SCAPER: variants seen among roughly 807,000 people sequenced by gnomAD.
The protein encoded by SCAPER is S-phase cyclin A associated protein in the ER.
A neutral mutation model predicts 182.2 loss-of-function variants in SCAPER; 98 were observed. The observed-to-expected ratio is 0.54, with a 90% CI of 0.46 to 0.64. The LOEUF (loss-of-function observed/expected upper bound fraction) is 0.64. SCAPER is among the 30% of genes least tolerant of loss of function. The probability of loss-of-function intolerance (pLI) is 0.00; values close to 1 mark genes in which losing one functional copy is unlikely to be tolerated. For synonymous variants in SCAPER, 605 were observed against 564.6 expected, an observed-to-expected ratio of 1.07 and a Z score of -1.01; for missense variants, 1,432 against 1,690.0, an observed-to-expected ratio of 0.85 and a Z score of 2.68.
intron 17 of SCAPER, among the ~76,000 whole-genome samples, chr15:76,709,256 C>G (rs566797955): frequency 1.1e-4 from 16 of 152,198 alleles, no homozygotes; most frequent in African/African-American, 3.9e-4. Context: ...CTCAGCCTCC[C>G]AAGTAGCTGG....
intron 10 of SCAPER, among the ~76,000 whole-genome samples, chr15:76,769,967 A>G (rs1303494438): frequency 3.3e-5 from 5 of 152,210 alleles, no homozygotes; most frequent in African/African-American, 4.8e-5. Flanking sequence ...ATGTCCATCA[A>G]TGATAGACTG....
intron 24 of SCAPER, among the ~76,000 whole-genome samples, chr15:76,496,206 T>G (rs2040520837): frequency 6.8e-6 from 1 of 146,678 alleles, no homozygotes; most frequent in African/African-American, 2.4e-5. Flanking sequence ...TGGTGAAATG[T>G]TTAAGTTTCT....
chr15:76,661,658 G>A (rs547652955), intron 21 of SCAPER, among the ~76,000 whole-genome samples: 9 of 152,116 alleles, frequency 5.9e-5, no homozygotes, highest in East Asian at 1.9e-4. Context: ...TCAGAATAGC[G>A]ATTACTAATA....
intron 24 of SCAPER, among the ~76,000 whole-genome samples, chr15:76,486,483 C>G (rs1475703878): frequency 6.6e-6 from 1 of 151,176 alleles, no homozygotes; most frequent in Non-Finnish European, 1.5e-5. Context: ...GTCTAACATC[C>G]ATCTATAAGG....
chr15:76,901,647 T>C (rs561928382), intron 1 of SCAPER, among the ~76,000 whole-genome samples: 1 of 152,390 alleles, frequency 6.6e-6, no homozygotes, highest in Admixed American at 6.5e-5. Context: ...GAAGTTATCA[T>C]TTTAGCAAAA....
intron 29 of SCAPER, among the ~76,000 whole-genome samples, chr15:76,367,881 C>A (rs949800038): frequency 1.6e-4 from 25 of 152,056 alleles, no homozygotes; most frequent in Non-Finnish European, 3.1e-4. Flanking sequence ...AGGTATAAAT[C>A]ATTTTTAATT....
At chr15:76,514,145 T>C (rs2042250020) in intron 23 of SCAPER, among the ~76,000 whole-genome samples, 1 of 152,206 alleles carries the variant, frequency 6.6e-6, no homozygotes. Flanking sequence ...TTACCCCTTT[T>C]CTAATTCTCT....
chr15:76,534,145 G>A (rs2043920292), intron 23 of SCAPER, among the ~76,000 whole-genome samples: 1 of 152,196 alleles, frequency 6.6e-6, no homozygotes, highest in South Asian at 2.1e-4. Flanking sequence ...ACTCAGTTAT[G>A]TTGAGGCCAG....
chr15:76,524,347 T>A (rs1395219483), intron 23 of SCAPER, among the ~76,000 whole-genome samples: 3 of 152,110 alleles, frequency 2.0e-5, no homozygotes, highest in African/African-American at 7.2e-5. Flanking sequence ...TAAGTAGCTA[T>A]AAGATAAGGC....
At chr15:76,404,043 T>C (rs2044650973) in intron 27 of SCAPER, among the ~76,000 whole-genome samples, 1 of 152,202 alleles carries the variant, frequency 6.6e-6, no homozygotes, top group African/African-American at 2.4e-5. Context: ...TTGTTTTAGA[T>C]GGCTCCCTTC....
At chr15:76,608,716 G>A (rs1472524466) in intron 22 of SCAPER, among the ~76,000 whole-genome samples, 2 of 152,106 alleles carry the variant, frequency 1.3e-5, no homozygotes, top group South Asian at 2.1e-4. Context: ...CAACTAATTC[G>A]GCAATGGCGG....
chr15:76,470,232 T>A (rs535841150), intron 25 of SCAPER, among the ~76,000 whole-genome samples: 1 of 152,192 alleles, frequency 6.6e-6, no homozygotes, highest in Non-Finnish European at 1.5e-5. Context: ...AGTGATAACT[T>A]ACTTCCTGTC....
chr15:76,469,224 C>T (rs1014834817), intron 25 of SCAPER, among the ~76,000 whole-genome samples: 17 of 152,128 alleles, frequency 1.1e-4, no homozygotes, highest in East Asian at 5.8e-4. Flanking sequence ...TATTCCACTA[C>T]CAACATAGAA....
chr15:76,812,309 G>C (rs1055197842), intron 5 of SCAPER, among the ~76,000 whole-genome samples: 1 of 151,376 alleles, frequency 6.6e-6, no homozygotes, highest in African/African-American at 2.4e-5. Context: ...GCGAGACTCC[G>C]TCTCAAGAAA....
At chr15:76,409,798 G>A (rs1328325295) in intron 26 of SCAPER, among the ~76,000 whole-genome samples, 1 of 151,602 alleles carries the variant, frequency 6.6e-6, no homozygotes, top group Non-Finnish European at 1.5e-5. Flanking sequence ...CTATCTCAAG[G>A]CCTACTTTTG....
At chr15:76,749,636 C>A (rs1336308371) in intron 15 of SCAPER, among the ~76,000 whole-genome samples, 1 of 151,890 alleles carries the variant, frequency 6.6e-6, no homozygotes, top group Non-Finnish European at 1.5e-5. Context: ...TAGCAATCAA[C>A]AGAAAAAAAT....
At chr15:76,822,251 T>C (rs1232238681) in intron 5 of SCAPER, among the ~76,000 whole-genome samples, 2 of 152,168 alleles carry the variant, frequency 1.3e-5, no homozygotes, top group East Asian at 3.8e-4. Flanking sequence ...AGGCTATGCA[T>C]GTATGGGGGC....
At chr15:76,630,247 C>A (rs1297961471) in intron 21 of SCAPER, among the ~76,000 whole-genome samples, 1 of 151,892 alleles carries the variant, frequency 6.6e-6, no homozygotes, top group South Asian at 2.1e-4. Context: ...TTCAAAAAAC[C>A]AGCCCCTGGA....
At chr15:76,661,148 AT>A (rs2056122152) in intron 21 of SCAPER, among the ~76,000 whole-genome samples, 1 of 152,076 alleles carries the variant, frequency 6.6e-6, no homozygotes, top group Non-Finnish European at 1.5e-5. Flanking sequence ...CCTAATCAAA[AT>A]CCCAACAGGC....
Sources: allele counts gnomAD v4.1 joint callset (sites outside exome capture counted in the v4.1 genomes callset), GRCh38; gene constraint gnomAD v4.1.1; transcripts MANE v1.5; gene names NCBI Gene and HGNC (gene_info 2026-07-23, HGNC 2026-07-21).